The following CXCL12 variants were observed in gnomAD, a reference collection of about 807,000 sequenced individuals.
The protein encoded by CXCL12 is C-X-C motif chemokine ligand 12.
In CXCL12, 4 loss-of-function variants were observed where a neutral mutation model predicts 10.7. That is an observed-to-expected ratio of 0.37 (90% CI 0.18 to 0.86). The LOEUF is 0.86. Among genes scored for constraint, CXCL12 ranks in the 40% least tolerant of loss-of-function variants. CXCL12 has a pLI of 0.43. For synonymous variants in CXCL12, 54 were observed against 45.4 expected, an observed-to-expected ratio of 1.19 and a Z score of -0.77; for missense variants, 122 against 110.4, an observed-to-expected ratio of 1.10 and a Z score of -0.47.
intron 1 of CXCL12, 85 bp from the exon 2 acceptor site, chr10:44,380,965 G>T: frequency 3.7e-6 from 4 of 1,077,230 alleles, no homozygotes; most frequent in Non-Finnish European, 5.8e-6. Flanking sequence ...TTGGTGCAGC[G>T]ATTAAGGATC....
intron 1 of CXCL12, among the ~76,000 whole-genome samples, chr10:44,383,490 G>A (rs181203634): frequency 2.3e-4 from 35 of 151,840 alleles, no homozygotes; most frequent in Admixed American, 2.2e-3. Context: ...TCCCAGAGCG[G>A]CGCACTGTGA....
chr10:44,381,808 T>C (rs1023360453), intron 1 of CXCL12, among the ~76,000 whole-genome samples: 3 of 152,210 alleles, frequency 2.0e-5, no homozygotes, highest in Non-Finnish European at 4.4e-5. Context: ...TTATTTGAAC[T>C]TGTGGATCCT....
downstream of CXCL12, chr10:44,373,378 C>CAGGT (rs1839367623): frequency 6.4e-7 from 1 of 1,572,196 alleles, no homozygotes; most frequent in Non-Finnish European, 8.7e-7. Context: ...ACCATTAAGG[C>CAGGT]AGGTTCCCCC....
At chr10:44,371,289 A>G, downstream of CXCL12, 1 of 411,218 alleles carries the variant, frequency 2.4e-6, no homozygotes, top group Non-Finnish European at 4.8e-6. Flanking sequence ...TGTAGTCAAG[A>G]TTTAGGGTCA....
intron 1 of CXCL12, among the ~76,000 whole-genome samples, chr10:44,382,376 G>A (rs1839658369): frequency 6.6e-6 from 1 of 152,184 alleles, no homozygotes; most frequent in Admixed American, 6.5e-5. Context: ...GGAGCTAAAC[G>A]CTCCTGAGTG....
chr10:44,371,006 C>G (rs1839299963), downstream of CXCL12: 1 of 168,650 alleles, frequency 5.9e-6, no homozygotes, highest in African/African-American at 2.4e-5. Flanking sequence ...GAGGCAGCAC[C>G]AGGTCCCGGA....
At chr10:44,372,841 C>T (rs891686235), downstream of CXCL12, 1 of 1,510,284 alleles carries the variant, frequency 6.6e-7, no homozygotes, top group African/African-American at 1.4e-5. Flanking sequence ...GGGGGTGAGC[C>T]TCCCATGTGG....
chr10:44,378,810 T>TA, intron 2 of CXCL12, 87 bp from the exon 3 acceptor site: 2 of 1,342,190 alleles, frequency 1.5e-6, no homozygotes, highest in Admixed American at 3.4e-5. Context: ...AACACCCATC[T>TA]AGGGCCCTCG....
downstream of CXCL12, among the ~76,000 whole-genome samples, chr10:44,373,632 G>A (rs1839375062): frequency 6.6e-6 from 1 of 152,234 alleles, no homozygotes; most frequent in Admixed American, 6.5e-5. Context: ...GCCCATCAGA[G>A]TGGTCATACG....
intron 2 of CXCL12, among the ~76,000 whole-genome samples, chr10:44,378,976 G>A (rs961717555): frequency 7.9e-5 from 12 of 151,994 alleles, no homozygotes; most frequent in African/African-American, 2.9e-4. Flanking sequence ...ATTCATGTAA[G>A]GGAGCATTTG....
At chr10:44,370,237 G>A (rs903645963) in exon 4 of CXCL12, 7 of 152,346 alleles carry the variant, frequency 4.6e-5, no homozygotes, top group Admixed American at 4.6e-4. Flanking sequence ...TGACTTCAAA[G>A]TAGAAATTGT....
At chr10:44,383,146 CT>C (rs1434804934) in intron 1 of CXCL12, among the ~76,000 whole-genome samples, 3 of 152,302 alleles carry the variant, frequency 2.0e-5, no homozygotes, top group South Asian at 4.1e-4. Context: ...GGCAGGACCC[CT>C]GGCCAAGCTC....
downstream of CXCL12, chr10:44,371,527 A>G (rs1839312588): frequency 9.9e-6 from 2 of 201,528 alleles, no homozygotes; most frequent in South Asian, 6.1e-5. Context: ...TTTTTTCAAT[A>G]TAACATAGCT....
chr10:44,380,304 C>T (rs1839592083), intron 2 of CXCL12: 1 of 159,976 alleles, frequency 6.3e-6, no homozygotes. Flanking sequence ...GGCAAGTGAG[C>T]TGAAAATGTT....
chr10:44,380,949 C>T, intron 1 of CXCL12, 69 bp from the exon 2 acceptor site: 1 of 1,243,142 alleles, frequency 8.0e-7, no homozygotes, highest in Non-Finnish European at 1.2e-6. Context: ...GTCTGGGCTG[C>T]AGCAGTTGGT....
At chr10:44,374,677 G>A (rs769028962), downstream of CXCL12, 8 of 455,938 alleles carry the variant, frequency 1.8e-5, no homozygotes, top group Middle Eastern at 3.2e-4. Flanking sequence ...ACCACGCTCC[G>A]GGACAGGGTG....
chr10:44,378,768 G>A lies in CXCL12; in HGVS notation c.180-45C>T, dbSNP rs2236533. The stretch of plus-strand genomic sequence containing the variant: ...ACAGTGTGCGGCTGCACAGGAGGAA[G>A]GCGCGGCTGCAACGTGTGCATCCGC... On this transcript the variant is annotated intron_variant, in intron 2 of 2. Transcript: ENST00000343575. 413,540 of 1,601,644 alleles carry A rather than the reference G, an allele frequency of 0.26. 57,009 individuals are homozygous for A. Among genetic ancestry groups the A allele is most frequent in the Admixed American group, 0.46 (27,348 of 59,972 alleles).
Position 44,378,276 on chromosome 10 carries a change from TA to T in CXCL12, c.*356del, listed in dbSNP as rs747751428. ...TCAGATCTTGAAGTACTCGTTGATT[TA>T]AAAAATGAGAATGAGAATGATGATG... is the stretch of plus-strand genomic sequence containing the variant. On this transcript the variant is annotated 3_prime_UTR_variant, in exon 3 of 3. Coordinates refer to ENST00000343575, the MANE Select transcript of CXCL12 (RefSeq NM_199168.4). The T allele has an allele frequency of 4.8e-6, 7 of 1,468,232 alleles. No individual in the cohort carries two copies. In the African/African-American group the frequency reaches 8.3e-5, roughly 17 times the overall value. The allele number at this position is 1,468,232 out of a possible 1,614,324, so 91.0% of individuals were successfully genotyped here. A position where few individuals can be genotyped will look rare whatever the true frequency, so the allele number is the denominator to read the frequency against.
intron 2 of CXCL12, 82 bp downstream of exon 2, chr10:44,380,681 T>C (rs1203066545): frequency 1.6e-6 from 2 of 1,239,686 alleles, no homozygotes; most frequent in Non-Finnish European, 2.4e-6. Context: ...CCTCTACACC[T>C]TTAATAAGAC....
Sources: allele counts gnomAD v4.1 joint callset (sites outside exome capture counted in the v4.1 genomes callset), GRCh38; gene constraint gnomAD v4.1.1; transcripts MANE v1.5; gene names NCBI Gene and HGNC (gene_info 2026-07-23, HGNC 2026-07-21).